TOM1L1: variants seen among roughly 807,000 people sequenced by gnomAD.
The protein encoded by TOM1L1 is target of myb1 like 1 membrane trafficking protein.
A neutral mutation model predicts 63.4 loss-of-function variants in TOM1L1; 64 were observed. The ratio of observed to expected loss-of-function variants is 1.01; its 90% confidence interval spans 0.83 to 1.24. TOM1L1 has a LOEUF of 1.24. Among genes scored for constraint, TOM1L1 ranks in the 50% most tolerant of loss-of-function variants. The pLI is 0.00. For missense variants in TOM1L1, 536 were observed against 567.0 expected (o/e 0.95, Z 0.55); for synonymous variants, 166 against 194.4 (o/e 0.85, Z 1.22).
chr17:54,942,542 G>A (rs528031299), intron 11 of TOM1L1: 1 of 152,298 alleles, frequency 6.6e-6, no homozygotes, highest in South Asian at 2.1e-4. Flanking sequence ...CAAGGCTGAG[G>A]AAGATTAACT....
chr17:54,950,668 G>A (rs1055848700), intron 14 of TOM1L1, among the ~76,000 whole-genome samples: 5 of 152,100 alleles, frequency 3.3e-5, no homozygotes, highest in Non-Finnish European at 5.9e-5. Context: ...TATACTTTGA[G>A]TGACTGAAGG....
At chr17:54,940,232 T>C (rs1452031228) in intron 11 of TOM1L1, among the ~76,000 whole-genome samples, 1 of 152,158 alleles carries the variant, frequency 6.6e-6, no homozygotes, top group Non-Finnish European at 1.5e-5. Context: ...TAAAAAGAAA[T>C]ATTAATGACC....
chr17:54,949,896 T>C (rs1479611609), intron 13 of TOM1L1, 149 bp from the exon 14 acceptor site: 1 of 683,606 alleles, frequency 1.5e-6, no homozygotes, highest in Admixed American at 2.9e-5. Flanking sequence ...ACAGATTTGT[T>C]GAACTTGGGA....
chr17:54,919,389 T>C (rs1033983876), intron 7 of TOM1L1, among the ~76,000 whole-genome samples: 4 of 152,244 alleles, frequency 2.6e-5, no homozygotes, highest in African/African-American at 7.2e-5. Flanking sequence ...TTTTCTCTCA[T>C]ATTCTCATCC....
chr17:54,910,736 T>C (rs541152413), intron 3 of TOM1L1, among the ~76,000 whole-genome samples: 3 of 152,360 alleles, frequency 2.0e-5, no homozygotes, highest in Middle Eastern at 6.8e-3. Flanking sequence ...TGGATTTTGT[T>C]TTTATTTTTC....
intron 11 of TOM1L1, among the ~76,000 whole-genome samples, chr17:54,946,458 T>C (rs1235738840): frequency 5.3e-5 from 8 of 152,174 alleles, no homozygotes; most frequent in Non-Finnish European, 8.8e-5. Context: ...AAGCTGTGGG[T>C]ATCACAGCTC....
chr17:54,921,766 A>T (rs2048687821), intron 7 of TOM1L1, among the ~76,000 whole-genome samples: 1 of 152,098 alleles, frequency 6.6e-6, no homozygotes, highest in Admixed American at 6.5e-5. Flanking sequence ...ATATACATTC[A>T]TTGTAACTAC....
intron 14 of TOM1L1, chr17:54,952,407 TGTG>T (rs1355979912): frequency 6.6e-6 from 1 of 151,424 alleles, no homozygotes; most frequent in Non-Finnish European, 1.5e-5. Flanking sequence ...ATTAGGCAGG[TGTG>T]GTGGTGCGCA....
At chr17:54,955,026 G>C (rs1171682393) in intron 14 of TOM1L1, 1 of 152,160 alleles carries the variant, frequency 6.6e-6, no homozygotes. Flanking sequence ...TGCCAGAGGA[G>C]GCACCCTAAC....
chr17:54,920,890 T>C (rs1467535418), intron 7 of TOM1L1, among the ~76,000 whole-genome samples: 1 of 152,200 alleles, frequency 6.6e-6, no homozygotes, highest in Non-Finnish European at 1.5e-5. Flanking sequence ...GAGGAGGATG[T>C]AGTAAGGCTG....
chr17:54,909,580 T>G (rs986236051), intron 3 of TOM1L1, among the ~76,000 whole-genome samples: 11 of 152,244 alleles, frequency 7.2e-5, no homozygotes, highest in African/African-American at 2.7e-4. Context: ...ATGATCTAAA[T>G]AGTTGCCATG....
chr17:54,932,132 G>T (rs1176703975), intron 8 of TOM1L1, among the ~76,000 whole-genome samples: 1 of 151,956 alleles, frequency 6.6e-6, no homozygotes, highest in Non-Finnish European at 1.5e-5. Context: ...AGAAGGAAGG[G>T]GTTTATTCGG....
intron 7 of TOM1L1, among the ~76,000 whole-genome samples, chr17:54,926,602 G>C (rs2048772462): frequency 6.6e-6 from 1 of 151,082 alleles, no homozygotes. Context: ...TAAAATCAAG[G>C]GAATCTGAAA....
intron 9 of TOM1L1, 64 bp from the exon 10 acceptor site, chr17:54,937,045 A>G: frequency 7.4e-7 from 1 of 1,348,350 alleles, no homozygotes; most frequent in Non-Finnish European, 1.1e-6. Flanking sequence ...ACAAAGGAGA[A>G]AGTATGGGGA....
At chr17:54,945,536 G>C (rs1307889928) in intron 11 of TOM1L1, among the ~76,000 whole-genome samples, 2 of 152,082 alleles carry the variant, frequency 1.3e-5, no homozygotes, top group Non-Finnish European at 2.9e-5. Context: ...ATAGGTGTTT[G>C]GGGTCCTGTT....
intron 9 of TOM1L1, 139 bp from the exon 10 acceptor site, chr17:54,936,970 A>G (rs1294071402): frequency 2.6e-6 from 2 of 760,286 alleles, no homozygotes; most frequent in South Asian, 3.5e-5. Flanking sequence ...TGGGATTCAT[A>G]CTAATGTTGC....
intron 8 of TOM1L1, among the ~76,000 whole-genome samples, chr17:54,935,445 A>G (rs2048929454): frequency 1.3e-5 from 2 of 152,302 alleles, no homozygotes; most frequent in Non-Finnish European, 2.9e-5. Flanking sequence ...GATTCAGTAT[A>G]AACTCTTACA....
chr17:54,928,650 A>G (rs2048807466), intron 7 of TOM1L1, among the ~76,000 whole-genome samples: 1 of 152,202 alleles, frequency 6.6e-6, no homozygotes, highest in Non-Finnish European at 1.5e-5. Context: ...TAGATGGCCC[A>G]CAAAGCAGAA....
intron 11 of TOM1L1, among the ~76,000 whole-genome samples, chr17:54,943,799 A>T (rs1369266271): frequency 1.3e-5 from 2 of 151,872 alleles, no homozygotes; most frequent in Non-Finnish European, 2.9e-5. Flanking sequence ...TAATACGGTG[A>T]AACCCTGTCT....
Sources: gnomAD v4.1 joint callset for allele counts (sites outside exome capture counted in the v4.1 genomes callset) on GRCh38, gnomAD v4.1.1 for gene constraint, MANE v1.5 for transcripts, NCBI Gene and HGNC (gene_info 2026-07-23, HGNC 2026-07-21) for gene names.